Variants in ABHD12 observed in about 807,000 individuals in gnomAD.
ABHD12 encodes the protein abhydrolase domain containing 12, lysophospholipase, also known as lysophosphatidylserine lipase ABHD12.
In ABHD12, 43 loss-of-function variants were observed where a neutral mutation model predicts 58.3. The ratio of observed to expected loss-of-function variants is 0.74; its 90% confidence interval spans 0.58 to 0.95. The LOEUF (loss-of-function observed/expected upper bound fraction) is 0.95. ABHD12 is among the 40% of genes least tolerant of loss of function. ABHD12 has a pLI of 0.00. For synonymous variants in ABHD12, 219 were observed against 211.2 expected, an observed-to-expected ratio of 1.04 and a Z score of -0.32; for missense variants, 539 against 537.2, an observed-to-expected ratio of 1.00 and a Z score of -0.03.
intron 1 of ABHD12, among the ~76,000 whole-genome samples, chr20:25,376,867 T>C (rs2089968173): frequency 6.6e-6 from 1 of 152,190 alleles, no homozygotes; most frequent in South Asian, 2.1e-4. Context: ...ACAGCAATTA[T>C]CCAGAGGGAG....
At chr20:25,369,325 A>G (rs1191128105) in intron 1 of ABHD12, among the ~76,000 whole-genome samples, 1 of 152,106 alleles carries the variant, frequency 6.6e-6, no homozygotes. Context: ...AAATTTCTCT[A>G]TATATTCTAG....
chr20:25,307,167 G>A (rs561504721), intron 9 of ABHD12, among the ~76,000 whole-genome samples: 80 of 152,290 alleles, frequency 5.3e-4, no homozygotes, highest in African/African-American at 1.8e-3. Flanking sequence ...GCATGGCAGG[G>A]GCTGCCCTGC....
intron 1 of ABHD12, among the ~76,000 whole-genome samples, chr20:25,362,749 A>C (rs2089769190): frequency 6.6e-6 from 1 of 151,166 alleles, no homozygotes; most frequent in Non-Finnish European, 1.5e-5. Flanking sequence ...ATCTTGGCTC[A>C]CCACAACTTC....
At position 25,390,477 on chromosome 20, in the gene ABHD12, G is replaced by GGGCCCCCCC; in HGVS notation, c.191+35_191+36insGGGGGGGCC. On this transcript the variant is annotated intron_variant, in intron 1 of 12. Transcript: ENST00000339157. ...CGCACCTGCGCAAAGTGAGGGACCG[G>GGGCCCCCCC]CCCCCCCCCCCCCCCCGCTCCGCGC... 1.5e-4 allele frequency: 15 copies of GGGCCCCCCC among 102,806 alleles called. No homozygotes were observed. In the East Asian group the frequency reaches 4.9e-3, roughly 34 times the overall value. The allele number at this position is 102,806 out of a possible 1,614,324, so 6.4% of individuals were successfully genotyped here. A position where few individuals can be genotyped will look rare whatever the true frequency, so the allele number is the denominator to read the frequency against.
chr20:25,300,888 G>C lies in ABHD12; in HGVS notation c.1158-4C>G. 2 of 1,613,826 alleles carry C rather than the reference G, an allele frequency of 1.2e-6. No homozygotes were observed. On this transcript the variant is annotated splice_region_variant and splice_polypyrimidine_tract_variant and intron_variant, in intron 12 of 12. Transcript: ENST00000339157. ...CTCCGACTTCCCCAGGAATTCCCTA[G>C]ACCACAGGACAATCAGGAGCCAATC...
chr20:25,316,296 T>C (rs2088960545), intron 5 of ABHD12, among the ~76,000 whole-genome samples: 1 of 152,118 alleles, frequency 6.6e-6, no homozygotes, highest in Non-Finnish European at 1.5e-5. Context: ...GTAGCTGGGA[T>C]TACAGGCGCC....
Position 25,370,034 on chromosome 20 carries a change from T to C in ABHD12, c.191+20479A>G, listed in dbSNP as rs571403948. On this transcript the variant is annotated intron_variant, in intron 1 of 12. Coordinates refer to ENST00000339157, the MANE Select transcript of ABHD12 (RefSeq NM_001042472.3). ...TTTGTTTTTTCCTATCTGGAAAGAC[T>C]GGGCTTCCAGGTTATTTTCTTAAAG... 2.0e-5 allele frequency among the ~76,000 whole-genome samples: 3 copies of C among 151,948 alleles called. No homozygotes were observed. In the East Asian group the frequency reaches 5.8e-4, roughly 29 times the overall value.
intron 1 of ABHD12, 119 bp downstream of exon 1, chr20:25,390,394 G>A (rs891118795): frequency 1.4e-5 from 14 of 1,036,164 alleles, no homozygotes; most frequent in Non-Finnish European, 1.8e-5. Context: ...GGGCGGCCGC[G>A]GATCGGGCGG....
At chr20:25,324,023 T>C (rs554151228) in intron 2 of ABHD12, among the ~76,000 whole-genome samples, 177 of 152,182 alleles carry the variant, frequency 1.2e-3, no homozygotes, top group African/African-American at 4.1e-3. Context: ...GCGAGGGGGA[T>C]GAATCCATAG....
Position 25,368,526 on chromosome 20 carries a change from T to C in ABHD12, c.191+21987A>G, listed in dbSNP as rs576279048. 8.8e-6 allele frequency: 13 copies of C among 1,485,390 alleles called. No homozygotes were observed. In the African/African-American group the frequency reaches 1.8e-4, roughly 21 times the overall value. The allele number at this position is 1,485,390 out of a possible 1,614,324, so 92.0% of individuals were successfully genotyped here. A position where few individuals can be genotyped will look rare whatever the true frequency, so the allele number is the denominator to read the frequency against. On this transcript the variant is annotated intron_variant, in intron 1 of 12. Coordinates refer to ENST00000339157, the MANE Select transcript of ABHD12 (RefSeq NM_001042472.3). Reference sequence around the variant, plus strand: ...AGGATGAAGTTTTCATCACCAAATTTCTCCCCGTAAATGGACTTGCCACCA... The same window carrying C: ...AGGATGAAGTTTTCATCACCAAATTCCTCCCCGTAAATGGACTTGCCACCA...
intron 1 of ABHD12, among the ~76,000 whole-genome samples, chr20:25,386,795 T>C (rs554649289): frequency 3.3e-5 from 5 of 151,888 alleles, no homozygotes; most frequent in Admixed American, 6.5e-5. Context: ...GCCAGAGAAT[T>C]GCTTGAACCT....
At position 25,302,486 on chromosome 20, in the gene ABHD12, C is replaced by T. The variant is rs548270757; in HGVS notation, c.1030-140G>A. On this transcript the variant is annotated intron_variant, in intron 11 of 12. Transcript: ENST00000339157. ...CACTGCTTGTTGCCACAGCCGGTCACGACCAGGAGGCCCGGGGGTGGGCTG... is the reference window on the plus strand; with the variant it reads ...CACTGCTTGTTGCCACAGCCGGTCATGACCAGGAGGCCCGGGGGTGGGCTG... 4,322 of 1,157,914 alleles carry T rather than the reference C, an allele frequency of 3.7e-3. 16 individuals are homozygous for T. Among genetic ancestry groups the T allele is most frequent in the Middle Eastern group, 0.01 (37 of 3,570 alleles). 71.7% of individuals were successfully genotyped at this position (1,157,914 alleles called of 1,614,324 possible).
In ABHD12 at chr20:25,390,757, G is replaced by T; in HGVS notation, c.-54C>A. 3.9e-6 allele frequency: 2 copies of T among 509,776 alleles called. No homozygotes were observed. The highest frequency in any genetic ancestry group is 6.5e-5 in the South Asian group (1 of 15,422). 31.6% of individuals were successfully genotyped at this position (509,776 alleles called of 1,614,324 possible). A position where few individuals can be genotyped will look rare whatever the true frequency, so the allele number is the denominator to read the frequency against. On this transcript the variant is annotated 5_prime_UTR_variant, in exon 1 of 13. Transcript: ENST00000339157. ...GGCGCCCGCTGGCCTGCGCCGCAGT[G>T]CCGCCGCTCACAGCCGCCGCCACCC...
At chr20:25,336,025 C>T (rs2089362666) in intron 2 of ABHD12, among the ~76,000 whole-genome samples, 1 of 151,796 alleles carries the variant, frequency 6.6e-6, no homozygotes. Context: ...CCAAAAAAGC[C>T]CTCCCTAGCC....
chr20:25,337,276 A>G (rs544918613), intron 2 of ABHD12, among the ~76,000 whole-genome samples: 1 of 152,308 alleles, frequency 6.6e-6, no homozygotes, highest in African/African-American at 2.4e-5. Context: ...AGAACAAAAC[A>G]AAACAACAAA....
chr20:25,386,507 G>A (rs1211821115), intron 1 of ABHD12, among the ~76,000 whole-genome samples: 1 of 151,840 alleles, frequency 6.6e-6, no homozygotes, highest in African/African-American at 2.4e-5. Context: ...TGATCAGCCT[G>A]CCTCGGCCTC....
intron 1 of ABHD12, among the ~76,000 whole-genome samples, chr20:25,356,132 G>A (rs2089665097): frequency 6.6e-6 from 1 of 152,226 alleles, no homozygotes; most frequent in African/African-American, 2.4e-5. Flanking sequence ...GGCATACCCT[G>A]AGTGTACTAT....
At chr20:25,295,119 AG>A (rs2088520268) in intron 12 of ABHD12, 2 of 1,356,726 alleles carry the variant, frequency 1.5e-6, no homozygotes, top group East Asian at 4.6e-5. Flanking sequence ...ATGCATTTGT[AG>A]ATTCATAAAT....
rs143430397 is a variant in ABHD12 at position 25,300,667 on chromosome 20, C to G, written c.*178G>C. 6.6e-7 allele frequency: 1 copy of G among 1,513,018 alleles called. No individual in the cohort carries two copies. The highest frequency in any genetic ancestry group is 1.4e-5 in the African/African-American group (1 of 72,554). 93.7% of individuals were successfully genotyped at this position (1,513,018 alleles called of 1,614,324 possible). On this transcript the variant is annotated 3_prime_UTR_variant, in exon 13 of 13. Coordinates refer to ENST00000339157, the MANE Select transcript of ABHD12 (RefSeq NM_001042472.3). ...TTCCACACAGCCATGCTCAGGCCTC[C>G]GGGCACTGCAGGCCTGCAGGGGCCT...
Sources: gnomAD v4.1 joint callset for allele counts (sites outside exome capture counted in the v4.1 genomes callset) on GRCh38, gnomAD v4.1.1 for gene constraint, MANE v1.5 for transcripts, NCBI Gene and HGNC (gene_info 2026-07-23, HGNC 2026-07-21) for gene names.